The following SCNN1G variants were observed in gnomAD, a reference collection of about 807,000 sequenced individuals.
SCNN1G encodes the protein epithelial sodium channel subunit gamma.
In SCNN1G, 27 loss-of-function variants were observed where a neutral mutation model predicts 64.6. The observed-to-expected ratio is 0.42, with a 90% CI of 0.31 to 0.58. The LOEUF (loss-of-function observed/expected upper bound fraction) is 0.58. Ranked by LOEUF, SCNN1G falls within the 20% of genes least tolerant of loss-of-function variation. SCNN1G has a pLI of 0.18. For missense variants in SCNN1G, 743 were observed against 823.4 expected (o/e 0.90, Z 1.19); for synonymous variants, 330 against 314.2 (o/e 1.05, Z -0.53).
intron 5 of SCNN1G, 47 bp from the exon 6 acceptor site, chr16:23,197,217 A>G: frequency 6.4e-7 from 1 of 1,557,040 alleles, no homozygotes; most frequent in Non-Finnish European, 8.8e-7. Flanking sequence ...ACCCCCAGGA[A>G]ATGTTTTCCT....
intron 6 of SCNN1G, among the ~76,000 whole-genome samples, chr16:23,208,001 G>A (rs1960018043): frequency 6.6e-6 from 1 of 152,026 alleles, no homozygotes; most frequent in East Asian, 1.9e-4. Flanking sequence ...TTATACATGG[G>A]CACGTGGATG....
chr16:23,187,527 A>G (rs1159953471), intron 2 of SCNN1G, among the ~76,000 whole-genome samples: 1 of 152,082 alleles, frequency 6.6e-6, no homozygotes, highest in East Asian at 1.9e-4. Context: ...TCCCCATATC[A>G]AGCCCAAATT....
Position 23,215,536 on chromosome 16 carries a change from C to T in SCNN1G, c.*67C>T. On this transcript the variant is annotated 3_prime_UTR_variant, in exon 13 of 13. Transcript: ENST00000300061. ...TGGTCTAAGGACATGGATCGGGTGCCCCCAGACGTGTGCACAGGGGACCCT... is the reference window on the plus strand; with the variant it reads ...TGGTCTAAGGACATGGATCGGGTGCTCCCAGACGTGTGCACAGGGGACCCT... 6.3e-7 allele frequency: 1 copy of T among 1,580,134 alleles called. No individual in the cohort carries two copies. The highest frequency in any genetic ancestry group is 8.6e-7 in the Non-Finnish European group (1 of 1,162,284).
chr16:23,184,475 T>G (rs1489623299), intron 1 of SCNN1G, among the ~76,000 whole-genome samples: 1 of 152,162 alleles, frequency 6.6e-6, no homozygotes, highest in Non-Finnish European at 1.5e-5. Flanking sequence ...GAGGTAAGGA[T>G]AGGCAATATT....
chr16:23,195,958 C>T (rs1450437249), intron 5 of SCNN1G: 1 of 152,218 alleles, frequency 6.6e-6, no homozygotes, highest in African/African-American at 2.4e-5. Context: ...GCCAGGCCCT[C>T]TTCTACGTAC....
intron 6 of SCNN1G, among the ~76,000 whole-genome samples, chr16:23,201,945 T>G (rs941430867): frequency 1.3e-5 from 2 of 152,294 alleles, no homozygotes; most frequent in Non-Finnish European, 1.5e-5. Flanking sequence ...GCCTTCCAAG[T>G]AGCTGGGACC....
At chr16:23,204,326 TATATATATAGAGAGAGAG>T (rs1203344098) in intron 6 of SCNN1G, among the ~76,000 whole-genome samples, 7 of 56,208 alleles carry the variant, frequency 1.2e-4, no homozygotes, top group African/African-American at 2.0e-4. Context: ...TATATATATA[TATATATATAGAGAGAGAG>T]AGAGAGAGAG....
Position 23,213,034 on chromosome 16 carries a change from C to G in SCNN1G, c.1432-68C>G, listed in dbSNP as rs377641302. 74 of 1,539,404 alleles carry G rather than the reference C, an allele frequency of 4.8e-5. No homozygotes were observed. In the African/African-American group the frequency reaches 8.2e-4, roughly 17 times the overall value. On this transcript the variant is annotated intron_variant, in intron 10 of 12. Transcript: ENST00000300061. ...GGAGGCTGGGGGACAAGTTGGGGAGCCTGAGGCGGGAGGCTGGCCCTAGCC... is the reference window on the plus strand; with the variant it reads ...GGAGGCTGGGGGACAAGTTGGGGAGGCTGAGGCGGGAGGCTGGCCCTAGCC...
chr16:23,209,684 C>T, intron 6 of SCNN1G, 66 bp from the exon 7 acceptor site: 1 of 1,187,438 alleles, frequency 8.4e-7, no homozygotes, highest in African/African-American at 1.5e-5. Context: ...GTCTGGTGCT[C>T]CTTGCAAAGC....
chr16:23,191,920 C>A (rs912848217), intron 3 of SCNN1G, among the ~76,000 whole-genome samples: 1 of 152,144 alleles, frequency 6.6e-6, no homozygotes, highest in African/African-American at 2.4e-5. Flanking sequence ...CACAGAATAC[C>A]TTGCCTGAGA....
At position 23,186,419 on chromosome 16, in the gene SCNN1G, C is replaced by T. The variant is rs780133768; in HGVS notation, c.148C>T (p.Arg50Cys). 3.1e-6 allele frequency: 5 copies of T among 1,614,244 alleles called. No individual in the cohort carries two copies. The highest frequency in any genetic ancestry group is 1.7e-5 in the Admixed American group (1 of 60,032). ...GCRRIVVSRG[R>C]LRRLLWIGFT... is the part of the protein sequence containing the mutation. Reference sequence around the variant, plus strand: ...TCGCCGCATCGTGGTGTCCCGCGGCCGTCTGCGCCGCCTCCTCTGGATCGG... The same window carrying T: ...TCGCCGCATCGTGGTGTCCCGCGGCTGTCTGCGCCGCCTCCTCTGGATCGG... The change falls in exon 2 of 13, where the codon CGT becomes TGT. Residue 50 changes from arginine (R) to cysteine (C), a missense_variant. Arg to Cys is a radical substitution (Grantham distance 180). Transcript: ENST00000300061.
intron 6 of SCNN1G, among the ~76,000 whole-genome samples, chr16:23,200,746 G>A (rs980056783): frequency 8.5e-5 from 13 of 152,280 alleles, no homozygotes; most frequent in African/African-American, 2.2e-4. Flanking sequence ...ATTATGACAC[G>A]ACTGACCTGG....
intron 5 of SCNN1G, chr16:23,196,132 C>G (rs1243267734): frequency 4.6e-5 from 7 of 152,196 alleles, no homozygotes; most frequent in Non-Finnish European, 7.3e-5. Context: ...AGTAGGAAGA[C>G]AGAGTGGCTG....
intron 4 of SCNN1G, among the ~76,000 whole-genome samples, chr16:23,193,776 G>T (rs1446172751): frequency 1.3e-5 from 2 of 150,902 alleles, no homozygotes; most frequent in African/African-American, 5.0e-5. Context: ...CCTAAGAGTT[G>T]GGTTCCAAAG....
intron 1 of SCNN1G, among the ~76,000 whole-genome samples, chr16:23,185,260 A>G (rs1959587708): frequency 6.6e-6 from 1 of 152,240 alleles, no homozygotes; most frequent in African/African-American, 2.4e-5. Flanking sequence ...AAGGAAATAT[A>G]TGTAGGCTAT....
chr16:23,209,376 T>C (rs751270696), intron 6 of SCNN1G, among the ~76,000 whole-genome samples: 11 of 152,194 alleles, frequency 7.2e-5, no homozygotes, highest in Non-Finnish European at 1.5e-4. Context: ...ATACCTTCCC[T>C]AATCACTCTA....
chr16:23,204,320 TATATATATATATATAGAG>T (rs1176037382), intron 6 of SCNN1G, among the ~76,000 whole-genome samples: 33 of 80,092 alleles, frequency 4.1e-4, no homozygotes, highest in Middle Eastern at 6.1e-3. Flanking sequence ...TATATATATA[TATATATATATATATAGAG>T]AGAGAGAGAG....
In SCNN1G at chr16:23,197,311, C is replaced by T; in HGVS notation, c.961C>T (p.Leu321Phe). 1.2e-6 allele frequency: 2 copies of T among 1,613,960 alleles called. No homozygotes were observed. Among genetic ancestry groups the T allele is most frequent in the Middle Eastern group, 1.7e-4 (1 of 6,054 alleles). The stretch of plus-strand genomic sequence containing the variant: ...AAACGAAGAGGAATACAACCCATTC[C>T]TCGTGTCCTCCACTGGAGCTAAGGT... ...YINEEEYNPF[L>F]VSSTGAKVII... The change falls in exon 6 of 13, where the codon CTC (leucine) becomes TTC (phenylalanine). Residue 321 changes from leucine to phenylalanine, a missense_variant. Leu to Phe is a conservative substitution (Grantham distance 22). Coordinates refer to ENST00000300061, the MANE Select transcript of SCNN1G (RefSeq NM_001039.4).
chr16:23,197,908 A>G lies in SCNN1G; in HGVS notation c.1077+481A>G, dbSNP rs961348446. Among the ~76,000 whole-genome samples, 4 of 151,924 alleles carry G rather than the reference A, an allele frequency of 2.6e-5. No homozygotes were observed. The East Asian group carries it at 7.8e-4, about 29-fold the overall frequency. ...AAAAAAAAAGGTTGTATTTGTATGG[A>G]TTAATAGGACAGGGTGCCATTTGGG... On this transcript the variant is annotated intron_variant, in intron 6 of 12. Coordinates refer to ENST00000300061, the MANE Select transcript of SCNN1G (RefSeq NM_001039.4).
Sources: gnomAD v4.1 joint callset for allele counts (sites outside exome capture counted in the v4.1 genomes callset) on GRCh38, gnomAD v4.1.1 for gene constraint, MANE v1.5 for transcripts, NCBI Gene and HGNC (gene_info 2026-07-23, HGNC 2026-07-21) for gene names.